TMEM132D: variants seen among roughly 807,000 people sequenced by gnomAD.
TMEM132D encodes transmembrane protein 132D.
Under a neutral mutation model 62.3 loss-of-function variants are expected in TMEM132D, and 21 were observed. The ratio of observed to expected loss-of-function variants is 0.34; its 90% CI spans 0.24 to 0.49. The LOEUF (loss-of-function observed/expected upper bound fraction) is 0.49. TMEM132D is among the 20% of genes least tolerant of loss of function. The pLI is 0.99. For synonymous variants in TMEM132D, 621 were observed against 575.6 expected (o/e 1.08, Z -1.13); for missense variants, 1,346 against 1,402.8 (o/e 0.96, Z 0.65).
At chr12:129,525,312 G>T (rs2137084730) in intron 3 of TMEM132D, among the ~76,000 whole-genome samples, 1 of 126,734 alleles carries the variant, frequency 7.9e-6, no homozygotes, top group African/African-American at 3.0e-5. Flanking sequence ...ATCTTGGTCT[G>T]TTGTATCCCT....
chr12:129,336,800 G>T (rs1348676433), intron 4 of TMEM132D, among the ~76,000 whole-genome samples: 1 of 152,122 alleles, frequency 6.6e-6, no homozygotes, highest in African/African-American at 2.4e-5. Context: ...AGCCGGGCCT[G>T]GGCCGAGGGC....
At chr12:129,614,579 C>T (rs79215375) in intron 2 of TMEM132D, among the ~76,000 whole-genome samples, 5,133 of 152,272 alleles carry the variant, frequency 0.034, 141 homozygotes, top group Middle Eastern at 0.082. Flanking sequence ...TTTGCCATAG[C>T]GAACGGCAGT....
chr12:129,134,895 G>A (rs978374289), intron 5 of TMEM132D, among the ~76,000 whole-genome samples: 1 of 152,196 alleles, frequency 6.6e-6, no homozygotes, highest in Admixed American at 6.5e-5. Context: ...CATGTCATAG[G>A]CAAGGCCAAT....
At chr12:129,537,066 G>A (rs1328899863) in intron 2 of TMEM132D, among the ~76,000 whole-genome samples, 8 of 149,950 alleles carry the variant, frequency 5.3e-5, no homozygotes, top group South Asian at 2.1e-4. Context: ...AGGCTGAGAC[G>A]GGAGAATTGC....
rs565815399 is a variant in TMEM132D at position 129,197,022 on chromosome 12, G to A, written c.1443+12498C>T. The stretch of plus-strand genomic sequence containing the variant: ...CAGTAGAGTCCATGAGCAGAGATTG[G>A]CACTTTCTCTACAGAGGACTGGATG... On this transcript the variant is annotated intron_variant, in intron 5 of 8. Coordinates refer to ENST00000422113, the MANE Select transcript of TMEM132D (RefSeq NM_133448.3). Among the ~76,000 whole-genome samples, 10 of 152,162 alleles carry A rather than the reference G, an allele frequency of 6.6e-5. No homozygotes were observed. The East Asian group carries it at 1.7e-3, about 26-fold the overall frequency.
At chr12:129,794,076 GTT>G (rs71082755) in intron 1 of TMEM132D, among the ~76,000 whole-genome samples, 12 of 145,578 alleles carry the variant, frequency 8.2e-5, no homozygotes, top group Admixed American at 3.4e-4. Context: ...AAGTGTATGG[GTT>G]TTTTTTTTTC....
chr12:129,691,904 C>A (rs1308517216), intron 2 of TMEM132D, among the ~76,000 whole-genome samples: 2 of 151,818 alleles, frequency 1.3e-5, no homozygotes, highest in Non-Finnish European at 2.9e-5. Context: ...AAAACTCACA[C>A]AAGGAGAAAG....
intron 5 of TMEM132D, among the ~76,000 whole-genome samples, chr12:129,138,054 G>A (rs1876637371): frequency 6.6e-6 from 1 of 151,998 alleles, no homozygotes; most frequent in African/African-American, 2.4e-5. Flanking sequence ...TTAATTTGGG[G>A]ATCACAAATT....
At chr12:129,094,264 GT>G (rs775528767) in intron 5 of TMEM132D, among the ~76,000 whole-genome samples, 319 of 152,066 alleles carry the variant, frequency 2.1e-3, no homozygotes, top group Non-Finnish European at 3.0e-3. Context: ...ATGGGAGAAA[GT>G]TTTTGCAATC....
At chr12:129,302,239 T>A (rs1331722653) in intron 4 of TMEM132D, among the ~76,000 whole-genome samples, 1 of 152,210 alleles carries the variant, frequency 6.6e-6, no homozygotes, top group Non-Finnish European at 1.5e-5. Flanking sequence ...CTCAGCCTCC[T>A]GAGTAGCTGG....
At chr12:129,598,153 T>G (rs963390083) in intron 2 of TMEM132D, among the ~76,000 whole-genome samples, 1 of 152,250 alleles carries the variant, frequency 6.6e-6, no homozygotes, top group African/African-American at 2.4e-5. Flanking sequence ...CCGGATTTCC[T>G]GGACAGATTC....
intron 1 of TMEM132D, among the ~76,000 whole-genome samples, chr12:129,740,682 T>C (rs1358207887): frequency 6.6e-6 from 1 of 152,060 alleles, no homozygotes; most frequent in Non-Finnish European, 1.5e-5. Context: ...GATTAAAACA[T>C]GAATAGAACA....
intron 2 of TMEM132D, among the ~76,000 whole-genome samples, chr12:129,578,630 A>G (rs991135582): frequency 6.6e-6 from 1 of 152,056 alleles, no homozygotes; most frequent in Non-Finnish European, 1.5e-5. Flanking sequence ...TACAATCTAT[A>G]CCATCTGCAA....
intron 2 of TMEM132D, among the ~76,000 whole-genome samples, chr12:129,632,325 T>G (rs888126510): frequency 6.6e-6 from 1 of 152,106 alleles, no homozygotes; most frequent in East Asian, 1.9e-4. Context: ...AATGGCAGGA[T>G]TGGGGGTTTT....
At chr12:129,760,228 C>T (rs1417598717) in intron 1 of TMEM132D, among the ~76,000 whole-genome samples, 4 of 151,440 alleles carry the variant, frequency 2.6e-5, no homozygotes, top group South Asian at 4.2e-4. Context: ...TTTGAACACA[C>T]GGGAAGTCTG....
intron 4 of TMEM132D, among the ~76,000 whole-genome samples, chr12:129,305,595 A>G (rs1396794213): frequency 6.6e-6 from 1 of 152,240 alleles, no homozygotes; most frequent in Non-Finnish European, 1.5e-5. Flanking sequence ...TATGCCCAGC[A>G]ACAAATAGCT....
At chr12:129,782,314 A>T (rs1871142475) in intron 1 of TMEM132D, among the ~76,000 whole-genome samples, 1 of 152,128 alleles carries the variant, frequency 6.6e-6, no homozygotes, top group Non-Finnish European at 1.5e-5. Flanking sequence ...GAGATGTTCA[A>T]CTGTGTTTCA....
chr12:129,486,984 T>C (rs1874600060), intron 3 of TMEM132D, among the ~76,000 whole-genome samples: 1 of 150,294 alleles, frequency 6.7e-6, no homozygotes. Context: ...ACGAGAGGCC[T>C]GTATTGCAGC....
chr12:129,639,382 T>TAAAAAAA (rs34476667), intron 2 of TMEM132D, among the ~76,000 whole-genome samples: 1 of 90,470 alleles, frequency 1.1e-5, no homozygotes, highest in Non-Finnish European at 2.1e-5. Context: ...GACTCTGTCT[T>TAAAAAAA]AAAAAAAAAA....
Sources: allele counts gnomAD v4.1 joint callset (sites outside exome capture counted in the v4.1 genomes callset), GRCh38; gene constraint gnomAD v4.1.1; transcripts MANE v1.5; gene names NCBI Gene and HGNC (gene_info 2026-07-23, HGNC 2026-07-21).